Variants in RYR2 observed in about 807,000 individuals in gnomAD.
RYR2 encodes the protein ryanodine receptor 2, also known as cardiac muscle ryanodine receptor-calcium release channel.
In RYR2, 227 loss-of-function variants were observed where a neutral mutation model predicts 601.1. That is an observed-to-expected ratio of 0.38 (90% CI 0.34 to 0.42). The LOEUF is 0.42. Ranked by LOEUF, RYR2 falls within the 10% of genes least tolerant of loss-of-function variation. The probability of loss-of-function intolerance (pLI) is 1.00; values close to 1 mark genes in which losing one functional copy is unlikely to be tolerated. For missense variants in RYR2, 4,646 were observed against 6,156.5 expected (o/e 0.75, Z 8.21); for synonymous variants, 2,223 against 2,175.1 (o/e 1.02, Z -0.61).
intron 34 of RYR2, 79 bp from the exon 35 acceptor site, chr1:237,601,946 C>T: frequency 1.7e-6 from 2 of 1,194,796 alleles, no homozygotes; most frequent in Non-Finnish European, 2.4e-6. Flanking sequence ...TAAAGTATTC[C>T]TTTGTTGTTA....
At chr1:237,609,871 A>G (rs899998299) in intron 35 of RYR2, among the ~76,000 whole-genome samples, 1 of 152,176 alleles carries the variant, frequency 6.6e-6, no homozygotes, top group Non-Finnish European at 1.5e-5. Context: ...TGGAAGCTAT[A>G]TGAGGGCAGG....
intron 2 of RYR2, among the ~76,000 whole-genome samples, chr1:237,318,383 C>A (rs112359281): frequency 6.6e-6 from 1 of 151,944 alleles, no homozygotes; most frequent in Non-Finnish European, 1.5e-5. Context: ...CTTTTAAAGA[C>A]GTTAAGAAAT....
intron 72 of RYR2, 44 bp downstream of exon 72, chr1:237,717,412 C>T (rs1203163485): frequency 2.7e-6 from 4 of 1,461,912 alleles, no homozygotes; most frequent in Non-Finnish European, 1.8e-6. Context: ...ATCTGACCTC[C>T]AGACTCTCAG....
chr1:237,536,588 G>A (rs376330010), intron 25 of RYR2, among the ~76,000 whole-genome samples: 3 of 152,220 alleles, frequency 2.0e-5, no homozygotes, highest in Middle Eastern at 3.4e-3. Context: ...GGTGGCGGGC[G>A]CCTGTAGTCC....
At chr1:237,347,246 C>G (rs1345784513) in intron 3 of RYR2, among the ~76,000 whole-genome samples, 1 of 152,068 alleles carries the variant, frequency 6.6e-6, no homozygotes, top group Non-Finnish European at 1.5e-5. Context: ...TCACTAGAAC[C>G]TGGGAGTTCC....
Position 237,225,494 on chromosome 1 carries a change from T to C in RYR2, c.49-45003T>C, listed in dbSNP as rs535000279. Among the ~76,000 whole-genome samples, 14 of 152,284 alleles carry C rather than the reference T, an allele frequency of 9.2e-5. 1 individual carries two copies. The East Asian group carries it at 2.7e-3, about 30-fold the overall frequency. On this transcript the variant is annotated intron_variant, in intron 1 of 104. Coordinates refer to ENST00000366574, the MANE Select transcript of RYR2 (RefSeq NM_001035.3). The stretch of plus-strand genomic sequence containing the variant: ...TTCAGATCTTGTGAGACTTACTCGC[T>C]ACCATGAGAACAGTATGGGGGAAAC...
intron 14 of RYR2, among the ~76,000 whole-genome samples, chr1:237,447,112 T>G (rs1307497508): frequency 1.3e-5 from 2 of 152,202 alleles, no homozygotes; most frequent in Non-Finnish European, 2.9e-5. Context: ...TATGAGGGAC[T>G]TTTTAAAATT....
chr1:237,597,603 C>G (rs535757012), intron 34 of RYR2, among the ~76,000 whole-genome samples: 1 of 151,930 alleles, frequency 6.6e-6, no homozygotes, highest in African/African-American at 2.4e-5. Context: ...TTTATGCAAC[C>G]AAATGTATCA....
At chr1:237,552,666 TTCA>T (rs1469388393) in intron 27 of RYR2, among the ~76,000 whole-genome samples, 2 of 152,052 alleles carry the variant, frequency 1.3e-5, no homozygotes, top group African/African-American at 4.8e-5. Context: ...GTTTCTTTTG[TTCA>T]TCATGATGCT....
In RYR2 at chr1:237,798,018, C is replaced by G; in HGVS notation, c.13957-19C>G. ...CTTAATGGTTGAAGCCAACAAAATG[C>G]TTTTTCTCATACCCCAAGGTTATGG... is the stretch of plus-strand genomic sequence containing the variant. On this transcript the variant is annotated intron_variant, in intron 96 of 104. Coordinates refer to ENST00000366574, the MANE Select transcript of RYR2 (RefSeq NM_001035.3). 6.3e-7 allele frequency: 1 copy of G among 1,599,476 alleles called. No individual in the cohort carries two copies. Among genetic ancestry groups the G allele is most frequent in the Non-Finnish European group, 8.5e-7 (1 of 1,173,702 alleles).
chr1:237,676,634 T>C (rs1169083034), intron 60 of RYR2, among the ~76,000 whole-genome samples: 1 of 152,204 alleles, frequency 6.6e-6, no homozygotes, highest in Non-Finnish European at 1.5e-5. Context: ...TCTTTCATTG[T>C]TATCGCAAGT....
At chr1:237,650,272 T>C (rs534093319) in intron 50 of RYR2, among the ~76,000 whole-genome samples, 175 bp downstream of exon 50, 2 of 152,332 alleles carry the variant, frequency 1.3e-5, no homozygotes, top group African/African-American at 4.8e-5. Context: ...TTGCTCCCAG[T>C]CAAGTTCCAG....
intron 85 of RYR2, among the ~76,000 whole-genome samples, 176 bp downstream of exon 85, chr1:237,771,063 C>T (rs914264417): frequency 2.0e-5 from 3 of 152,150 alleles, no homozygotes; most frequent in African/African-American, 4.8e-5. Flanking sequence ...CCTGCTTTCA[C>T]AGTCCTCGGA....
intron 1 of RYR2, among the ~76,000 whole-genome samples, chr1:237,077,758 G>C (rs1214363575): frequency 6.6e-6 from 1 of 152,224 alleles, no homozygotes; most frequent in African/African-American, 2.4e-5. Context: ...ATTGAACTCA[G>C]CTCTGCACCA....
At chr1:237,508,096 T>C (rs1396891320) in intron 23 of RYR2, among the ~76,000 whole-genome samples, 1 of 152,116 alleles carries the variant, frequency 6.6e-6, no homozygotes, top group Non-Finnish European at 1.5e-5. Context: ...CCCAAGTAGC[T>C]GGTTTTACAG....
intron 1 of RYR2, among the ~76,000 whole-genome samples, chr1:237,082,206 C>A (rs943821987): frequency 3.9e-5 from 6 of 152,040 alleles, no homozygotes; most frequent in Non-Finnish European, 5.9e-5. Flanking sequence ...TGACTCTTCA[C>A]AGGATCATGT....
chr1:237,245,613 T>G (rs1686736876), intron 1 of RYR2, among the ~76,000 whole-genome samples: 1 of 152,138 alleles, frequency 6.6e-6, no homozygotes, highest in South Asian at 2.1e-4. Flanking sequence ...AAGGAAAGAC[T>G]CAACAAAGAT....
chr1:237,789,607 T>G (rs971757363), intron 92 of RYR2, among the ~76,000 whole-genome samples: 1 of 85,746 alleles, frequency 1.2e-5, no homozygotes, highest in Non-Finnish European at 2.9e-5. Context: ...GTTTAAAGGT[T>G]GAATGGGCGC....
chr1:237,832,503 T>C (rs1197744424), intron 104 of RYR2, 49 bp from the exon 105 acceptor site: 1 of 1,238,068 alleles, frequency 8.1e-7, no homozygotes, highest in Admixed American at 1.8e-5. Flanking sequence ...TATGTTTTGT[T>C]AGCACACACT....
Sources: allele counts gnomAD v4.1 joint callset (sites outside exome capture counted in the v4.1 genomes callset), GRCh38; gene constraint gnomAD v4.1.1; transcripts MANE v1.5; gene names NCBI Gene and HGNC (gene_info 2026-07-23, HGNC 2026-07-21).